Variants in MYRIP observed in about 807,000 individuals in gnomAD.
The protein encoded by MYRIP is rab effector MyRIP.
MYRIP carries 49 observed loss-of-function variants against 98.0 expected under a neutral mutation model. The observed-to-expected ratio is 0.50, with a 90% confidence interval of 0.40 to 0.63. The LOEUF (loss-of-function observed/expected upper bound fraction) is 0.63, where lower values mean the gene tolerates loss of function less well. MYRIP is among the 30% of genes least tolerant of loss of function. The pLI, the probability that MYRIP is intolerant of heterozygous loss-of-function variation, is 0.00. For missense variants in MYRIP, 1,004 were observed against 1,058.2 expected, an observed-to-expected ratio of 0.95 and a Z score of 0.71; for synonymous variants, 404 against 409.5, an observed-to-expected ratio of 0.99 and a Z score of 0.16.
intron 4 of MYRIP, among the ~76,000 whole-genome samples, chr3:40,159,967 G>C (rs963980422): frequency 8.5e-5 from 13 of 152,270 alleles, no homozygotes; most frequent in African/African-American, 2.9e-4. Context: ...GGAGTAATTT[G>C]ATCATCTGAA....
chr3:40,198,471 TA>T (rs926073088), intron 10 of MYRIP, among the ~76,000 whole-genome samples: 33 of 152,234 alleles, frequency 2.2e-4, no homozygotes, highest in South Asian at 8.3e-4. Flanking sequence ...TTATATTTAA[TA>T]AAAAAAATTT....
At chr3:40,034,629 T>A (rs1458153825) in intron 2 of MYRIP, among the ~76,000 whole-genome samples, 1 of 149,888 alleles carries the variant, frequency 6.7e-6, no homozygotes, top group Admixed American at 6.6e-5. Context: ...TTGGTGGGAC[T>A]GTAAACTAGT....
intron 3 of MYRIP, 35 bp downstream of exon 3, chr3:40,044,306 T>C: frequency 6.3e-7 from 1 of 1,596,666 alleles, no homozygotes; most frequent in East Asian, 2.2e-5. Flanking sequence ...GTCTACACTG[T>C]TGATTTAGAG....
At chr3:39,878,368 G>C (rs577636297) in intron 1 of MYRIP, among the ~76,000 whole-genome samples, 13 of 152,170 alleles carry the variant, frequency 8.5e-5, no homozygotes, top group Non-Finnish European at 1.9e-4. Flanking sequence ...TGTGCCCACT[G>C]TCTGGCACTC....
At chr3:40,043,672 A>C (rs968890241) in intron 2 of MYRIP, among the ~76,000 whole-genome samples, 1 of 152,180 alleles carries the variant, frequency 6.6e-6, no homozygotes, top group Non-Finnish European at 1.5e-5. Context: ...TGTGAGGATT[A>C]ATGTTTTATC....
chr3:39,830,775 T>C (rs537108251), intron 1 of MYRIP, among the ~76,000 whole-genome samples: 1 of 152,186 alleles, frequency 6.6e-6, no homozygotes, highest in Non-Finnish European at 1.5e-5. Context: ...ACTCCCTCTT[T>C]AGCTTACTTC....
chr3:40,041,614 C>T (rs1029559712), intron 2 of MYRIP, among the ~76,000 whole-genome samples: 5 of 151,638 alleles, frequency 3.3e-5, no homozygotes, highest in East Asian at 2.0e-4. Context: ...GAGAGACACA[C>T]GTTTACAAAT....
chr3:39,973,610 C>A (rs982628941), intron 2 of MYRIP, among the ~76,000 whole-genome samples: 4 of 152,158 alleles, frequency 2.6e-5, no homozygotes, highest in Non-Finnish European at 5.9e-5. Context: ...TTCTTCTCAG[C>A]ACCACACCAC....
chr3:40,103,180 G>A (rs1467085971), intron 3 of MYRIP, among the ~76,000 whole-genome samples: 1 of 152,052 alleles, frequency 6.6e-6, no homozygotes, highest in Non-Finnish European at 1.5e-5. Flanking sequence ...TCCTCCCACA[G>A]TGTGCCCACC....
chr3:39,812,095 T>C (rs1940715405), intron 1 of MYRIP, among the ~76,000 whole-genome samples: 1 of 152,154 alleles, frequency 6.6e-6, no homozygotes, highest in African/African-American at 2.4e-5. Flanking sequence ...AATAATGCAG[T>C]TCTGAAGGAT....
chr3:40,150,335 C>G (rs1950096291), intron 3 of MYRIP, among the ~76,000 whole-genome samples: 1 of 152,216 alleles, frequency 6.6e-6, no homozygotes, highest in Admixed American at 6.5e-5. Context: ...AAGTGATCCA[C>G]CTGCCTCGGC....
intron 1 of MYRIP, among the ~76,000 whole-genome samples, chr3:39,818,660 G>A (rs1481807604): frequency 6.6e-6 from 1 of 151,830 alleles, no homozygotes; most frequent in African/African-American, 2.4e-5. Flanking sequence ...TTAATTTTGG[G>A]GGGGTATTAC....
intron 3 of MYRIP, among the ~76,000 whole-genome samples, chr3:40,068,188 T>C (rs1948160335): frequency 6.6e-6 from 1 of 152,228 alleles, no homozygotes; most frequent in Non-Finnish European, 1.5e-5. Context: ...AAAGAATGTA[T>C]ATATTTTTGG....
Position 39,993,349 on chromosome 3 carries a change from A to G in MYRIP, c.111-50701A>G, listed in dbSNP as rs555617623. ...GTTTCCAGCACATACTTTTTGGGGA[A>G]TATATCAAACCATAGCAATTTGCAT... On this transcript the variant is annotated intron_variant, in intron 2 of 16. Transcript: ENST00000302541. Among the ~76,000 whole-genome samples, 3 of 152,310 alleles carry G rather than the reference A, an allele frequency of 2.0e-5. No homozygotes were observed. In the East Asian group the frequency reaches 5.8e-4, roughly 29 times the overall value.
chr3:40,067,286 T>C (rs758754853), intron 3 of MYRIP, among the ~76,000 whole-genome samples: 1 of 152,162 alleles, frequency 6.6e-6, no homozygotes, highest in Non-Finnish European at 1.5e-5. Context: ...ATGGGTGGAT[T>C]TGAGCAAAGG....
intron 1 of MYRIP, among the ~76,000 whole-genome samples, chr3:39,819,781 C>T (rs1267028143): frequency 6.6e-6 from 1 of 152,206 alleles, no homozygotes; most frequent in African/African-American, 2.4e-5. Flanking sequence ...CCAACTTACC[C>T]TGAGGATGAA....
intron 2 of MYRIP, among the ~76,000 whole-genome samples, chr3:40,013,818 C>A (rs1946808873): frequency 6.6e-6 from 1 of 152,198 alleles, no homozygotes; most frequent in Non-Finnish European, 1.5e-5. Context: ...TGCACATTGT[C>A]ATTTTAGGCA....
At chr3:40,124,279 A>G (rs1949472236) in intron 3 of MYRIP, among the ~76,000 whole-genome samples, 2 of 152,166 alleles carry the variant, frequency 1.3e-5, no homozygotes, top group African/African-American at 4.8e-5. Flanking sequence ...AGTCCCAAAC[A>G]CAGACACAAC....
chr3:39,877,105 C>T (rs1045369110), intron 1 of MYRIP, among the ~76,000 whole-genome samples: 4 of 152,212 alleles, frequency 2.6e-5, no homozygotes, highest in African/African-American at 9.6e-5. Flanking sequence ...TCTTCCATCA[C>T]TGATACCCTT....
Sources: allele counts gnomAD v4.1 joint callset (sites outside exome capture counted in the v4.1 genomes callset), GRCh38; gene constraint gnomAD v4.1.1; transcripts MANE v1.5; gene names NCBI Gene and HGNC (gene_info 2026-07-23, HGNC 2026-07-21).